Variants in GPATCH11 observed in about 807,000 individuals in gnomAD.
The protein encoded by GPATCH11 is G-patch domain containing 11.
Under a neutral mutation model 44.8 loss-of-function variants are expected in GPATCH11, and 32 were observed. The observed-to-expected ratio is 0.71, with a 90% CI of 0.54 to 0.96. GPATCH11 has a LOEUF of 0.96. Ranked by LOEUF, GPATCH11 falls within the 40% of genes least tolerant of loss-of-function variation. The pLI is 0.00. For synonymous variants in GPATCH11, 84 were observed against 94.4 expected (o/e 0.89, Z 0.64); for missense variants, 324 against 303.1 (o/e 1.07, Z -0.51).
chr2:37,092,111 A>G, intron 5 of GPATCH11, 54 bp from the exon 6 acceptor site: 3 of 1,570,006 alleles, frequency 1.9e-6, no homozygotes, highest in Middle Eastern at 1.7e-4. Flanking sequence ...TTGGGCATAT[A>G]AAATGGTTAA....
At position 37,089,689 on chromosome 2, in the gene GPATCH11, C is replaced by T. The variant is rs1388375720; in HGVS notation, c.109C>T (p.Arg37Cys). Reference sequence around the variant, plus strand: ...AATGCTAAGGCAAATCCGAGAAGCCCGTCGAAAAGAAGAAAAGCAACAGGA... The same window carrying T: ...AATGCTAAGGCAAATCCGAGAAGCCTGTCGAAAAGAAGAAAAGCAACAGGA... ...LPMLRQIREA[R>C]RKEEKQQEAN... Residue 37 changes from arginine (R) to cysteine (C), a missense_variant, in exon 3 of 9, where the codon CGT becomes TGT. By Grantham distance (180) the Arg-to-Cys change is radical. Coordinates refer to ENST00000674370, the MANE Select transcript of GPATCH11 (RefSeq NM_174931.4). The T allele has an allele frequency of 1.2e-5, 18 of 1,551,328 alleles. No homozygotes were observed. The highest frequency in any genetic ancestry group is 2.4e-5 in the South Asian group (2 of 84,062).
At chr2:37,087,432 G>C (rs1673102446) in intron 1 of GPATCH11, among the ~76,000 whole-genome samples, 1 of 152,222 alleles carries the variant, frequency 6.6e-6, no homozygotes, top group Admixed American at 6.5e-5. Context: ...CAGAACCTCA[G>C]GTTCCAGCCC....
At position 37,097,925 on chromosome 2, in the gene GPATCH11, C is replaced by T. The variant is rs900924824; in HGVS notation, c.*1662C>T. On this transcript the variant is annotated 3_prime_UTR_variant, in exon 9 of 9. Coordinates refer to ENST00000674370, the MANE Select transcript of GPATCH11 (RefSeq NM_174931.4). ...TAACTTCTGGGCCTCAGTTCTTCATCCAGAAAACTAATCATTATTTTTATG... is the reference window on the plus strand; with the variant it reads ...TAACTTCTGGGCCTCAGTTCTTCATTCAGAAAACTAATCATTATTTTTATG... 8 of 152,162 alleles carry T rather than the reference C, an allele frequency of 5.3e-5. No individual in the cohort carries two copies. In the South Asian group the frequency reaches 8.3e-4, roughly 16 times the overall value. 9.4% of individuals were successfully genotyped at this position (152,162 alleles called of 1,614,324 possible).
chr2:37,094,151 G>A lies in GPATCH11; in HGVS notation c.610G>A (p.Glu204Lys). 1 of 1,581,798 alleles carries A rather than the reference G, an allele frequency of 6.3e-7. No individual in the cohort carries two copies. The highest frequency in any genetic ancestry group is 8.6e-7 in the Non-Finnish European group (1 of 1,162,844). ...LEEETEEDEE[E>K]KEQDEDEYKS... The stretch of plus-strand genomic sequence containing the variant: ...AGAGGAGACTGAAGAAGATGAAGAA[G>A]AAAAAGAACAGGATGAAGATGAATA... Residue 204 changes from glutamate (E) to lysine (K), a missense_variant, in exon 7 of 9, where the codon GAA becomes AAA. Transcript: ENST00000674370.
In GPATCH11 at chr2:37,091,920, A is replaced by G; in HGVS notation, c.333A>G (p.Lys111=). 1 of 1,608,760 alleles carries G rather than the reference A, an allele frequency of 6.2e-7. No homozygotes were observed. Among genetic ancestry groups the G allele is most frequent in the Non-Finnish European group, 8.5e-7 (1 of 1,176,770 alleles). ...CAGAATTTTCTGTTTGAATAGGGAAAAGTGGCATTGGTCATGAGGCATCAT... is the reference window on the plus strand; with the variant it reads ...CAGAATTTTCTGTTTGAATAGGGAAGAGTGGCATTGGTCATGAGGCATCAT... ...EPIPLNIKTG[K]SGIGHEASLK... is the part of the protein sequence containing the mutation. The change falls in exon 5 of 9, where the codon AAA becomes AAG. Residue 111 remains lysine (K), a synonymous_variant. Coordinates refer to ENST00000674370, the MANE Select transcript of GPATCH11 (RefSeq NM_174931.4).
intron 2 of GPATCH11, 112 bp from the exon 3 acceptor site, chr2:37,089,528 T>C (rs1673205103): frequency 1.3e-6 from 1 of 772,176 alleles, no homozygotes; most frequent in Non-Finnish European, 2.1e-6. Flanking sequence ...GATTATGCCA[T>C]TGCATTACAG....
chr2:37,091,336 A>AG (rs1673309337), intron 4 of GPATCH11, among the ~76,000 whole-genome samples: 1 of 151,974 alleles, frequency 6.6e-6, no homozygotes, highest in Admixed American at 6.6e-5. Context: ...AGGAAAAAAA[A>AG]AAAAAAGCAG....
intron 2 of GPATCH11, 60 bp from the exon 3 acceptor site, chr2:37,089,580 A>T (rs925453825): frequency 2.4e-6 from 3 of 1,259,448 alleles, no homozygotes; most frequent in Admixed American, 2.8e-5. Flanking sequence ...AAAATAAAAA[A>T]AAAAAAAAAG....
rs1394166461 is a variant in GPATCH11 at position 37,098,666 on chromosome 2, T to C, written c.*2403T>C. 1 of 152,222 alleles carries C rather than the reference T, an allele frequency of 6.6e-6. No homozygotes were observed. The highest frequency in any genetic ancestry group is 1.5e-5 in the Non-Finnish European group (1 of 68,046). The allele number at this position is 152,222 out of a possible 1,614,324, so 9.4% of individuals were successfully genotyped here. A position where few individuals can be genotyped will look rare whatever the true frequency, so the allele number is the denominator to read the frequency against. On this transcript the variant is annotated 3_prime_UTR_variant, in exon 9 of 9. Coordinates refer to ENST00000674370, the MANE Select transcript of GPATCH11 (RefSeq NM_174931.4). ...ATGGAACCCATGACTTCACCAGGATTGTGGTCTACATTTACAGGCCTAGTA... is the reference window on the plus strand; with the variant it reads ...ATGGAACCCATGACTTCACCAGGATCGTGGTCTACATTTACAGGCCTAGTA...
chr2:37,088,070 G>C (rs148922343), intron 1 of GPATCH11, among the ~76,000 whole-genome samples: 13 of 152,312 alleles, frequency 8.5e-5, no homozygotes, highest in Non-Finnish European at 1.9e-4. Flanking sequence ...GGTCACAACT[G>C]TAGAGAAAAC....
Position 37,096,492 on chromosome 2 carries a change from C to T in GPATCH11, c.*229C>T. 2.1e-6 allele frequency: 1 copy of T among 486,620 alleles called. No homozygotes were observed. The allele number at this position is 486,620 out of a possible 1,614,324, so 30.1% of individuals were successfully genotyped here. Reference sequence around the variant, plus strand: ...AGAGATGGACAGTTACAATTTATTGCTATATTGTGATACGTGAGGGGTTTA... The same window carrying T: ...AGAGATGGACAGTTACAATTTATTGTTATATTGTGATACGTGAGGGGTTTA... On this transcript the variant is annotated 3_prime_UTR_variant, in exon 9 of 9. Coordinates refer to ENST00000674370, the MANE Select transcript of GPATCH11 (RefSeq NM_174931.4).
In GPATCH11 at chr2:37,097,964, G is replaced by GTA. The variant is rs1673669466; in HGVS notation, c.*1710_*1711dup. The GTA allele has an allele frequency of 6.6e-6, 1 of 152,004 alleles. No homozygotes were observed. The highest frequency in any genetic ancestry group is 2.4e-5 in the African/African-American group (1 of 41,364). The allele number at this position is 152,004 out of a possible 1,614,324, so 9.4% of individuals were successfully genotyped here. A position where few individuals can be genotyped will look rare whatever the true frequency, so the allele number is the denominator to read the frequency against. On this transcript the variant is annotated 3_prime_UTR_variant, in exon 9 of 9. Coordinates refer to ENST00000674370, the MANE Select transcript of GPATCH11 (RefSeq NM_174931.4). ...ATTATTTTTATGAATGTAAATATGT[G>GTA]TATATATATAATATTTATATGTTTG...
chr2:37,087,377 A>G (rs1273419575), intron 1 of GPATCH11, among the ~76,000 whole-genome samples: 2 of 152,226 alleles, frequency 1.3e-5, no homozygotes, highest in Non-Finnish European at 2.9e-5. Context: ...GTCTTAAGCA[A>G]CTGAACTAGC....
At chr2:37,088,312 A>G (rs1673140948) in intron 1 of GPATCH11, 57 bp from the exon 2 acceptor site, 7 of 778,156 alleles carry the variant, frequency 9.0e-6, no homozygotes, top group Non-Finnish European at 1.4e-5. Context: ...AGATACAGAA[A>G]GGTTTATTTC....
At chr2:37,089,320 A>C (rs1455734391) in intron 2 of GPATCH11, among the ~76,000 whole-genome samples, 1 of 152,184 alleles carries the variant, frequency 6.6e-6, no homozygotes, top group African/African-American at 2.4e-5. Context: ...TAATCCCAGC[A>C]CTTTGAGAGG....
intron 6 of GPATCH11, among the ~76,000 whole-genome samples, chr2:37,093,105 C>G (rs1025235795): frequency 2.0e-5 from 3 of 152,152 alleles, no homozygotes; most frequent in Non-Finnish European, 4.4e-5. Context: ...ATGTTCATGC[C>G]ACTGCACTCC....
chr2:37,087,531 A>C (rs1414769649), intron 1 of GPATCH11, among the ~76,000 whole-genome samples: 1 of 152,256 alleles, frequency 6.6e-6, no homozygotes, highest in Admixed American at 6.5e-5. Context: ...AAATTACTTT[A>C]ACCCTTTAAG....
chr2:37,084,593 G>T (rs756875720), intron 1 of GPATCH11, 23 bp downstream of exon 1: 7 of 1,231,962 alleles, frequency 5.7e-6, no homozygotes, highest in African/African-American at 1.6e-5. Context: ...TCAGGTAAGG[G>T]TCTGGGGACA....
chr2:37,087,285 G>C (rs945848906), intron 1 of GPATCH11, among the ~76,000 whole-genome samples: 3 of 152,186 alleles, frequency 2.0e-5, no homozygotes, highest in Non-Finnish European at 4.4e-5. Flanking sequence ...CACATGAAGG[G>C]CAGAGGGTTG....
Sources: allele counts gnomAD v4.1 joint callset (sites outside exome capture counted in the v4.1 genomes callset), GRCh38; gene constraint gnomAD v4.1.1; transcripts MANE v1.5; gene names NCBI Gene and HGNC (gene_info 2026-07-23, HGNC 2026-07-21).